CNTLN: variants seen among roughly 807,000 people sequenced by gnomAD.
The protein encoded by CNTLN is centlein, centrosomal protein.
A neutral mutation model predicts 180.0 loss-of-function variants in CNTLN; 212 were observed. The ratio of observed to expected loss-of-function variants is 1.18; its 90% confidence interval spans 1.05 to 1.32. The LOEUF (loss-of-function observed/expected upper bound fraction) is 1.32, where lower values mean the gene tolerates loss of function less well. CNTLN is among the 40% of genes most tolerant of loss of function. CNTLN has a pLI of 0.00. For missense variants in CNTLN, 2,095 were observed against 1,610.9 expected, an observed-to-expected ratio of 1.30 and a Z score of -5.14; for synonymous variants, 722 against 563.1, an observed-to-expected ratio of 1.28 and a Z score of -3.99.
intron 5 of CNTLN, among the ~76,000 whole-genome samples, chr9:17,248,121 C>T (rs1471183461): frequency 6.6e-6 from 1 of 152,170 alleles, no homozygotes; most frequent in East Asian, 1.9e-4. Flanking sequence ...CCACTGCACC[C>T]AGCCTCGTCT....
At chr9:17,150,512 A>G (rs1214309997) in intron 2 of CNTLN, among the ~76,000 whole-genome samples, 1 of 152,010 alleles carries the variant, frequency 6.6e-6, no homozygotes, top group South Asian at 2.1e-4. Flanking sequence ...TGGTCTATAT[A>G]TCTGTTTTGG....
In CNTLN at chr9:17,298,365, T is replaced by A; in HGVS notation, c.1146+13T>A. ...ATCATATCAAAAAGTATGCTTTTAT[T>A]CTGTAATAAAGATGTAAATGTTTAT... is the stretch of plus-strand genomic sequence containing the variant. On this transcript the variant is annotated intron_variant, in intron 7 of 25. Transcript: ENST00000380647. The A allele has an allele frequency of 1.9e-6, 3 of 1,603,228 alleles. No individual in the cohort carries two copies. The highest frequency in any genetic ancestry group is 2.6e-6 in the Non-Finnish European group (3 of 1,175,844).
rs888489474 is a variant in CNTLN, at chr9:17,295,118, G to A, written c.984-3072G>A. Among the ~76,000 whole-genome samples the A allele has an allele frequency of 1.3e-5, 2 of 151,028 alleles. 1 individual carries two copies. The highest frequency in any genetic ancestry group is 3.0e-5 in the Non-Finnish European group (2 of 67,278). On this transcript the variant is annotated intron_variant, in intron 6 of 25. Coordinates refer to ENST00000380647, the MANE Select transcript of CNTLN (RefSeq NM_017738.4). Reference sequence around the variant, plus strand: ...GCCGGGCTGGCGGGGCTGGCTGGCCGCTCTGAGTGCGGGCCGCCAAGCCCA... The same window carrying A: ...GCCGGGCTGGCGGGGCTGGCTGGCCACTCTGAGTGCGGGCCGCCAAGCCCA...
intron 3 of CNTLN, among the ~76,000 whole-genome samples, chr9:17,229,049 G>A (rs1363911802): frequency 6.6e-6 from 1 of 151,918 alleles, no homozygotes; most frequent in African/African-American, 2.4e-5. Flanking sequence ...TTTAGTTAGA[G>A]GGAAGACTTT....
At chr9:17,355,781 C>T (rs760635990) in intron 12 of CNTLN, among the ~76,000 whole-genome samples, 15 of 152,156 alleles carry the variant, frequency 9.9e-5, no homozygotes, top group Middle Eastern at 3.4e-3. Context: ...GAAATCAGTC[C>T]AGGCTGGGCG....
At chr9:17,509,468 A>C in the CNTLN span, among the ~76,000 whole-genome samples, 1 of 152,210 alleles carries the variant, frequency 6.6e-6, no homozygotes, top group East Asian at 1.9e-4. Flanking sequence ...GTTTGTGATC[A>C]AGGAAGTTAC....
intron 23 of CNTLN, among the ~76,000 whole-genome samples, chr9:17,481,065 C>T (rs1251925456): frequency 6.6e-6 from 1 of 152,116 alleles, no homozygotes. Context: ...GCCCCAGATC[C>T]CAGCTTACGT....
chr9:17,221,773 C>T (rs976404217), intron 2 of CNTLN, among the ~76,000 whole-genome samples: 3 of 151,996 alleles, frequency 2.0e-5, no homozygotes, highest in African/African-American at 7.2e-5. Context: ...TCTCTTTTCT[C>T]AACTTCCAAC....
chr9:17,400,389 G>A (rs1426421576), intron 15 of CNTLN, among the ~76,000 whole-genome samples: 1 of 152,014 alleles, frequency 6.6e-6, no homozygotes, highest in African/African-American at 2.4e-5. Context: ...TGCCTGCCTC[G>A]GCCTCCCAAA....
At chr9:17,378,159 A>T (rs994412917) in intron 13 of CNTLN, among the ~76,000 whole-genome samples, 8 of 151,954 alleles carry the variant, frequency 5.3e-5, no homozygotes, top group African/African-American at 1.9e-4. Context: ...TCAGTAATTC[A>T]ATTTTTAGCC....
intron 2 of CNTLN, among the ~76,000 whole-genome samples, chr9:17,185,771 T>TTGTGTGTGTGTGTGTGTGTGTGTG (rs371473319): frequency 1.0e-4 from 15 of 143,728 alleles, no homozygotes; most frequent in African/African-American, 2.9e-4. Context: ...TGTTTCCCAT[T>TTGTGTGTGTGTGTGTGTGTGTGTG]TGTGTGTGTG....
At chr9:17,251,243 G>C (rs1337721028) in intron 5 of CNTLN, among the ~76,000 whole-genome samples, 1 of 151,746 alleles carries the variant, frequency 6.6e-6, no homozygotes, top group Admixed American at 6.6e-5. Context: ...CTATTTTGTT[G>C]ATCTTACTTG....
At position 17,266,114 on chromosome 9, in the gene CNTLN, C is replaced by G. The variant is rs530950856; in HGVS notation, c.850-7619C>G. Among the ~76,000 whole-genome samples, 11 of 147,888 alleles carry G rather than the reference C, an allele frequency of 7.4e-5. No individual in the cohort carries two copies. In the East Asian group the frequency reaches 2.0e-3, roughly 27 times the overall value. On this transcript the variant is annotated intron_variant, in intron 5 of 25. Coordinates refer to ENST00000380647, the MANE Select transcript of CNTLN (RefSeq NM_017738.4). ...TGTGTTTGCTCTTGCTTCTCTAGTTCTTTTAATTGTGAAGTTAGGGTGTCA... is the reference window on the plus strand; with the variant it reads ...TGTGTTTGCTCTTGCTTCTCTAGTTGTTTTAATTGTGAAGTTAGGGTGTCA...
chr9:17,298,376 G>C, intron 7 of CNTLN, 24 bp downstream of exon 7: 1 of 1,569,250 alleles, frequency 6.4e-7, no homozygotes, highest in Non-Finnish European at 8.6e-7. Flanking sequence ...CTGTAATAAA[G>C]ATGTAAATGT....
At chr9:17,298,548 G>C (rs1430249199) in intron 7 of CNTLN, 196 bp downstream of exon 7, 1 of 1,262,672 alleles carries the variant, frequency 7.9e-7, no homozygotes, top group Non-Finnish European at 1.0e-6. Context: ...GGTAATTAGA[G>C]CTGAATCACT....
intron 8 of CNTLN, among the ~76,000 whole-genome samples, chr9:17,321,097 T>C (rs1385378076): frequency 1.3e-5 from 2 of 152,206 alleles, no homozygotes; most frequent in Non-Finnish European, 2.9e-5. Flanking sequence ...CACTTTTATG[T>C]AGTTTTCTTT....
chr9:17,302,356 C>T lies in CNTLN; in HGVS notation c.1146+4004C>T, dbSNP rs541047074. On this transcript the variant is annotated intron_variant, in intron 7 of 25. Transcript: ENST00000380647. ...GGGACTACAGGCACGTGCCACCACACTCAGCTAATTTTTGTACTTTTCGAT... is the reference window on the plus strand; with the variant it reads ...GGGACTACAGGCACGTGCCACCACATTCAGCTAATTTTTGTACTTTTCGAT... Among the ~76,000 whole-genome samples, 586 of 152,182 alleles carry T rather than the reference C, an allele frequency of 3.9e-3. 4 individuals are homozygous for T. Among genetic ancestry groups the T allele is most frequent in the Middle Eastern group, 0.01 (3 of 294 alleles).
chr9:17,329,125 T>C (rs1451747565), intron 8 of CNTLN, among the ~76,000 whole-genome samples: 2 of 152,056 alleles, frequency 1.3e-5, no homozygotes, highest in African/African-American at 4.8e-5. Context: ...ACTAAAATTA[T>C]GTTTTTCTGA....
intron 5 of CNTLN, among the ~76,000 whole-genome samples, chr9:17,241,659 A>G (rs1288795020): frequency 2.6e-5 from 4 of 152,210 alleles, no homozygotes; most frequent in Admixed American, 1.3e-4. Flanking sequence ...ACATCTTAAC[A>G]ATATTGATTC....
Sources: allele counts gnomAD v4.1 joint callset (sites outside exome capture counted in the v4.1 genomes callset), GRCh38; gene constraint gnomAD v4.1.1; transcripts MANE v1.5; gene names NCBI Gene and HGNC (gene_info 2026-07-23, HGNC 2026-07-21).